Variants in PPP1CC observed in about 807,000 individuals in gnomAD.
PPP1CC encodes the protein protein phosphatase 1 catalytic subunit gamma.
PPP1CC carries 16 observed loss-of-function variants against 38.4 expected under a neutral mutation model. That is an observed-to-expected ratio of 0.42 (90% confidence interval 0.28 to 0.63). The LOEUF is 0.63. Among genes scored for constraint, PPP1CC ranks in the 30% least tolerant of loss-of-function variants. PPP1CC has a pLI of 0.25. For missense variants in PPP1CC, 170 were observed against 391.3 expected (o/e 0.43, Z 4.77); for synonymous variants, 158 against 136.0 (o/e 1.16, Z -1.13).
Position 110,742,665 on chromosome 12 carries a change from G to A in PPP1CC, c.43C>T (p.Arg15Trp), listed in dbSNP as rs1392095114. The A allele has an allele frequency of 9.6e-6, 14 of 1,457,464 alleles. No homozygotes were observed. Among genetic ancestry groups the A allele is most frequent in the African/African-American group, 1.5e-5 (1 of 68,008 alleles). 90.3% of individuals were successfully genotyped at this position (1,457,464 alleles called of 1,614,324 possible). ...DKLNIDSIIQ[R>W]LLEVRGSKPG... Reference sequence around the variant, plus strand: ...CCGCCCCCCTTACCTTCCAGCAGCCGTTGGATAATGCTGTCGATGTTGAGT... The same window carrying A: ...CCGCCCCCCTTACCTTCCAGCAGCCATTGGATAATGCTGTCGATGTTGAGT... Residue 15 changes from arginine to tryptophan, a missense_variant, in exon 1 of 7, where the codon CGG becomes TGG. This residue lies in a region of PPP1CC where 30 missense variants were observed against 23.0 expected (regional missense o/e 1.30). Transcript: ENST00000335007.
downstream of PPP1CC, among the ~76,000 whole-genome samples, chr12:110,717,337 TA>T (rs1399733985): frequency 2.6e-5 from 4 of 152,150 alleles, no homozygotes; most frequent in Non-Finnish European, 5.9e-5. Flanking sequence ...AGCCAGCTGG[TA>T]CATGAGGTTG....
At chr12:110,738,132 A>C (rs2069969436) in intron 1 of PPP1CC, among the ~76,000 whole-genome samples, 1 of 152,230 alleles carries the variant, frequency 6.6e-6, no homozygotes. Flanking sequence ...TGTAAGCTTT[A>C]CTGTCGGTGA....
chr12:110,742,642 GC>G lies in PPP1CC; in HGVS notation c.55+10del, dbSNP rs954271836. The G allele has an allele frequency of 6.7e-6, 8 of 1,191,752 alleles. No homozygotes were observed. Among genetic ancestry groups the G allele is most frequent in the South Asian group, 2.2e-5 (1 of 44,578 alleles). The allele number at this position is 1,191,752 out of a possible 1,614,324, so 73.8% of individuals were successfully genotyped here. ...CCGCCTCCCCCTTCAGCCGCCCGCC[GC>G]CCCCCTTACCTTCCAGCAGCCGTTG... On this transcript the variant is annotated intron_variant, in intron 1 of 6. Coordinates refer to ENST00000335007, the MANE Select transcript of PPP1CC (RefSeq NM_002710.4).
At chr12:110,727,578 A>T (rs1040641809) in intron 3 of PPP1CC, among the ~76,000 whole-genome samples, 1 of 151,768 alleles carries the variant, frequency 6.6e-6, no homozygotes, top group Non-Finnish European at 1.5e-5. Flanking sequence ...ACCCAACAAC[A>T]TATACCTCAG....
chr12:110,738,552 G>T (rs2136567698), intron 1 of PPP1CC, among the ~76,000 whole-genome samples: 1 of 152,276 alleles, frequency 6.6e-6, no homozygotes, highest in Admixed American at 6.5e-5. Context: ...TGCACAACAG[G>T]TTACAGGTTG....
chr12:110,742,884 A>G lies in PPP1CC; in HGVS notation c.-177T>C. 2.4e-6 allele frequency: 1 copy of G among 423,780 alleles called. No homozygotes were observed. The highest frequency in any genetic ancestry group is 2.0e-5 in the African/African-American group (1 of 48,782). The allele number at this position is 423,780 out of a possible 1,614,324, so 26.3% of individuals were successfully genotyped here. A position where few individuals can be genotyped will look rare whatever the true frequency, so the allele number is the denominator to read the frequency against. On this transcript the variant is annotated 5_prime_UTR_variant, in exon 1 of 7. Coordinates refer to ENST00000335007, the MANE Select transcript of PPP1CC (RefSeq NM_002710.4). ...TCCTCCTTCTCTCCCCACTGGAACCACGAGAAGAACAAAATGGCCGCCGAC... is the reference window on the plus strand; with the variant it reads ...TCCTCCTTCTCTCCCCACTGGAACCGCGAGAAGAACAAAATGGCCGCCGAC...
intron 1 of PPP1CC, among the ~76,000 whole-genome samples, chr12:110,737,507 G>C (rs79377079): frequency 8.3e-6 from 1 of 120,246 alleles, no homozygotes; most frequent in Non-Finnish European, 1.8e-5. Flanking sequence ...AAAAAGAAAA[G>C]AAAAGAAAAA....
chr12:110,720,122 A>T lies in PPP1CC; in HGVS notation c.*954T>A. The T allele has an allele frequency of 6.5e-7, 1 of 1,544,370 alleles. No individual in the cohort carries two copies. The highest frequency in any genetic ancestry group is 8.7e-7 in the Non-Finnish European group (1 of 1,150,410). ...CAGAATAAAGAATGTAGGCCAAAGA[A>T]AGCATAATCGGTCACTCGTATAGAA... On this transcript the variant is annotated 3_prime_UTR_variant, in exon 7 of 7. Coordinates refer to ENST00000335007, the MANE Select transcript of PPP1CC (RefSeq NM_002710.4).
At chr12:110,737,768 T>C (rs1469383846) in intron 1 of PPP1CC, among the ~76,000 whole-genome samples, 2 of 151,564 alleles carry the variant, frequency 1.3e-5, no homozygotes, top group Non-Finnish European at 2.9e-5. Flanking sequence ...AACACCCCTG[T>C]CTTTAAGAAA....
rs1209227874 is a variant in PPP1CC at position 110,722,694 on chromosome 12, A to G, written c.525T>C (p.Gly175=). 6.3e-7 allele frequency: 1 copy of G among 1,596,402 alleles called. No individual in the cohort carries two copies. Among genetic ancestry groups the G allele is most frequent in the South Asian group, 1.1e-5 (1 of 87,766 alleles). The change falls in exon 5 of 7, where the codon GGT becomes GGC. Residue 175 remains glycine, a splice_region_variant and synonymous_variant. Transcript: ENST00000335007. The surrounding 1 kb of genome is among the most constrained non-coding windows in gnomAD (Gnocchi z 5.4). ...CCATAGATTGAAGATCTGGTGATAA[A>G]CCTATTCAATGAGGAAAAAAAAAAA... is the stretch of plus-strand genomic sequence containing the variant. The part of the protein sequence containing the change: ...VDEKIFCCHG[G]LSPDLQSMEQ...
chr12:110,720,505 T>C lies in PPP1CC; in HGVS notation c.*571A>G. 3.2e-6 allele frequency: 1 copy of C among 311,584 alleles called. No homozygotes were observed. Among genetic ancestry groups the C allele is most frequent in the Non-Finnish European group, 5.9e-6 (1 of 168,100 alleles). 19.3% of individuals were successfully genotyped at this position (311,584 alleles called of 1,614,324 possible). ...AAAGTGTGCTTTAATTAAATATACATCATACCAGTGATGCTGGCAAGGTTG... is the reference window on the plus strand; with the variant it reads ...AAAGTGTGCTTTAATTAAATATACACCATACCAGTGATGCTGGCAAGGTTG... On this transcript the variant is annotated 3_prime_UTR_variant, in exon 7 of 7. Coordinates refer to ENST00000335007, the MANE Select transcript of PPP1CC (RefSeq NM_002710.4).
downstream of PPP1CC, among the ~76,000 whole-genome samples, chr12:110,719,273 G>A (rs1331876034): frequency 2.0e-5 from 3 of 152,112 alleles, no homozygotes; most frequent in Non-Finnish European, 2.9e-5. Context: ...GCATGGCAGG[G>A]TCCAGATGCC....
At position 110,720,094 on chromosome 12, in the gene PPP1CC, C is replaced by T. The variant is rs2069720651; in HGVS notation, c.*982G>A. 5 of 1,509,572 alleles carry T rather than the reference C, an allele frequency of 3.3e-6. No homozygotes were observed. Among genetic ancestry groups the T allele is most frequent in the Non-Finnish European group, 4.5e-6 (5 of 1,123,168 alleles). 93.5% of individuals were successfully genotyped at this position (1,509,572 alleles called of 1,614,324 possible). On this transcript the variant is annotated 3_prime_UTR_variant, in exon 7 of 7. Transcript: ENST00000335007. ...TTTTAACTTATAAGCCTCAACTTCA[C>T]CGCAGAATAAAGAATGTAGGCCAAA... is the stretch of plus-strand genomic sequence containing the variant.
intron 1 of PPP1CC, chr12:110,732,994 TACAACAAGAA>T: frequency 6.6e-6 from 1 of 152,274 alleles, no homozygotes. Context: ...AAAAATATTA[TACAACAAGAA>T]GCAATAAAAG....
At chr12:110,723,889 G>A (rs573301382) in intron 4 of PPP1CC, among the ~76,000 whole-genome samples, 1 of 152,228 alleles carries the variant, frequency 6.6e-6, no homozygotes, top group African/African-American at 2.4e-5. Flanking sequence ...CTCACATCTT[G>A]AGTGTTCTAG....
intron 1 of PPP1CC, among the ~76,000 whole-genome samples, chr12:110,738,588 T>C (rs2069974746): frequency 6.6e-6 from 1 of 152,164 alleles, no homozygotes; most frequent in African/African-American, 2.4e-5. Context: ...TTCAAAGACA[T>C]CAAATCACCT....
In PPP1CC at chr12:110,742,658, A is replaced by G; in HGVS notation, c.50T>C (p.Leu17Pro). 7.1e-7 allele frequency: 1 copy of G among 1,414,636 alleles called. No homozygotes were observed. The highest frequency in any genetic ancestry group is 9.3e-7 in the Non-Finnish European group (1 of 1,077,124). 87.6% of individuals were successfully genotyped at this position (1,414,636 alleles called of 1,614,324 possible). A position where few individuals can be genotyped will look rare whatever the true frequency, so the allele number is the denominator to read the frequency against. ...LNIDSIIQRL[L>P]EVRGSKPGKN... ...CCGCCCGCCGCCCCCCTTACCTTCC[A>G]GCAGCCGTTGGATAATGCTGTCGAT... The change falls in exon 1 of 7, where the codon CTG (leucine) becomes CCG (proline). Residue 17 changes from leucine (L) to proline (P), a missense_variant. By Grantham distance (98) the Leu-to-Pro change is moderately conservative. This residue lies in a region of PPP1CC where 30 missense variants were observed against 23.0 expected (regional missense o/e 1.30). Coordinates refer to ENST00000335007, the MANE Select transcript of PPP1CC (RefSeq NM_002710.4).
chr12:110,730,128 G>C (rs2069855007), intron 3 of PPP1CC, among the ~76,000 whole-genome samples: 1 of 152,250 alleles, frequency 6.6e-6, no homozygotes, highest in Admixed American at 6.5e-5. Flanking sequence ...AGTGGCCTAG[G>C]CGGGCAGATT....
chr12:110,730,409 C>A, intron 3 of PPP1CC, 120 bp downstream of exon 3: 1 of 821,958 alleles, frequency 1.2e-6, no homozygotes, highest in Non-Finnish European at 1.9e-6. Flanking sequence ...AAATAGAAAA[C>A]ATGAGAGATG....
Sources: gnomAD v4.1 joint callset for allele counts (sites outside exome capture counted in the v4.1 genomes callset) on GRCh38, gnomAD v4.1.1 for gene constraint, gnomAD v4.1.1 regional missense constraint, Gnocchi (gnomAD v3.1) non-coding constraint, MANE v1.5 for transcripts, NCBI Gene and HGNC (gene_info 2026-07-23, HGNC 2026-07-21) for gene names.